Variants in GCFC2 observed in about 807,000 individuals in gnomAD.
GCFC2 encodes intron Large complex component GCFC2.
GCFC2 carries 102 observed loss-of-function variants against 99.4 expected under a neutral mutation model. The ratio of observed to expected loss-of-function variants is 1.03; its 90% CI spans 0.87 to 1.21. GCFC2 has a LOEUF of 1.21. GCFC2 is among the 50% of genes most tolerant of loss of function. GCFC2 has a pLI of 0.00. For missense variants in GCFC2, 973 were observed against 920.9 expected (o/e 1.06, Z -0.73); for synonymous variants, 338 against 316.8 (o/e 1.07, Z -0.71).
At chr2:75,680,063 A>G in intron 12 of GCFC2, 130 bp downstream of exon 12, 1 of 666,176 alleles carries the variant, frequency 1.5e-6, no homozygotes, top group East Asian at 2.8e-5. Flanking sequence ...CTATAAATCA[A>G]AAGTAAATAT....
rs183504748 is a variant in GCFC2, at chr2:75,669,806, C to T, written c.2103+332G>A. On this transcript the variant is annotated intron_variant, in intron 15 of 16. Coordinates refer to ENST00000321027, the MANE Select transcript of GCFC2 (RefSeq NM_003203.5). ...GGAGTGCAATGGCGGCTCACTGCAA[C>T]GTCTGCCTCCTGGGTTCAGGCGATT... 2.0e-4 allele frequency among the ~76,000 whole-genome samples: 30 copies of T among 152,146 alleles called. No individual in the cohort carries two copies. In the East Asian group the frequency reaches 4.3e-3, roughly 22 times the overall value.
intron 13 of GCFC2, among the ~76,000 whole-genome samples, chr2:75,673,170 C>T (rs1005059361): frequency 3.3e-5 from 5 of 152,064 alleles, no homozygotes; most frequent in East Asian, 1.9e-4. Flanking sequence ...ATTAGCCGGG[C>T]GTGGTGGCGG....
intron 12 of GCFC2, 24 bp downstream of exon 12, chr2:75,680,169 G>A: frequency 1.9e-6 from 3 of 1,555,510 alleles, no homozygotes; most frequent in Non-Finnish European, 2.7e-6. Flanking sequence ...AGATCATGGA[G>A]TTCGCAACTC....
intron 11 of GCFC2, among the ~76,000 whole-genome samples, chr2:75,682,256 G>A (rs1035548436): frequency 1.3e-5 from 2 of 151,890 alleles, no homozygotes; most frequent in Admixed American, 6.5e-5. Context: ...GGAACAAGCA[G>A]CAATCTTTGC....
chr2:75,667,020 G>A (rs946601720), intron 15 of GCFC2, among the ~76,000 whole-genome samples: 1 of 152,130 alleles, frequency 6.6e-6, no homozygotes, highest in Non-Finnish European at 1.5e-5. Flanking sequence ...TAGGGACTAG[G>A]GTCTGGAAAG....
chr2:75,711,044 GTTC>G (rs1049427908), upstream of GCFC2: 266 of 1,332,668 alleles, frequency 2.0e-4, no homozygotes, highest in African/African-American at 3.7e-3. Context: ...GGTAGGCCGA[GTTC>G]TGTTCTGGGG....
chr2:75,689,286 A>G (rs1382009200), intron 9 of GCFC2, 61 bp from the exon 10 acceptor site: 1 of 873,348 alleles, frequency 1.1e-6, no homozygotes, highest in Non-Finnish European at 1.9e-6. Context: ...ATGCTTCCTT[A>G]AAAACACGGT....
chr2:75,689,216 A>G lies in GCFC2; in HGVS notation c.1349T>C (p.Leu450Ser). Residue 450 changes from leucine (L) to serine (S), a missense_variant, in exon 10 of 17, where the codon TTA becomes TCA. Coordinates refer to ENST00000321027, the MANE Select transcript of GCFC2 (RefSeq NM_003203.5). ...TTCAAAAACTTTCTTCTGTTTCTGT[A>G]AAATGTCACCTGTAAACAAAATAAG... ...IDFQKSQGDI[L>S]QKQKKVFEEV... is the part of the protein sequence containing the mutation. 6.4e-7 allele frequency: 1 copy of G among 1,571,836 alleles called. No individual in the cohort carries two copies. The highest frequency in any genetic ancestry group is 8.7e-7 in the Non-Finnish European group (1 of 1,145,306).
intron 14 of GCFC2, among the ~76,000 whole-genome samples, chr2:75,671,264 C>T (rs1679079530): frequency 6.6e-6 from 1 of 152,176 alleles, no homozygotes; most frequent in African/African-American, 2.4e-5. Flanking sequence ...ACTTCTCATG[C>T]TTCATCCAGT....
At position 75,687,992 on chromosome 2, in the gene GCFC2, T is replaced by C. The variant is rs745430566; in HGVS notation, c.1540-15A>G. The C allele has an allele frequency of 5.3e-6, 8 of 1,495,968 alleles. No homozygotes were observed. The highest frequency in any genetic ancestry group is 1.2e-5 in the South Asian group (1 of 81,088). 92.7% of individuals were successfully genotyped at this position (1,495,968 alleles called of 1,614,324 possible). A position where few individuals can be genotyped will look rare whatever the true frequency, so the allele number is the denominator to read the frequency against. ...GTGGATTCCAACTTACAAAGAAAATTACAAAAGTTATAAAGAAATCTTTCA... is the reference window on the plus strand; with the variant it reads ...GTGGATTCCAACTTACAAAGAAAATCACAAAAGTTATAAAGAAATCTTTCA... On this transcript the variant is annotated splice_polypyrimidine_tract_variant and intron_variant, in intron 10 of 16. Coordinates refer to ENST00000321027, the MANE Select transcript of GCFC2 (RefSeq NM_003203.5).
At chr2:75,688,045 AT>A (rs1383350145) in intron 10 of GCFC2, 68 bp from the exon 11 acceptor site, 2 of 938,666 alleles carry the variant, frequency 2.1e-6, no homozygotes, top group East Asian at 5.3e-5. Context: ...AATAGTTATT[AT>A]TTTTTTCAAT....
At position 75,689,215 on chromosome 2, in the gene GCFC2, T is replaced by C; in HGVS notation, c.1350A>G (p.Leu450=). The C allele has an allele frequency of 6.4e-7, 1 of 1,573,102 alleles. No homozygotes were observed. Among genetic ancestry groups the C allele is most frequent in the Non-Finnish European group, 8.7e-7 (1 of 1,146,506 alleles). Residue 450 remains leucine, a synonymous_variant, in exon 10 of 17, where the codon TTA becomes TTG. Transcript: ENST00000321027. ...CTTCAAAAACTTTCTTCTGTTTCTG[T>C]AAAATGTCACCTGTAAACAAAATAA... The part of the protein sequence containing the change: ...IDFQKSQGDI[L]QKQKKVFEEV...
intron 14 of GCFC2, among the ~76,000 whole-genome samples, chr2:75,671,005 AACT>A (rs1158774438): frequency 6.6e-6 from 1 of 152,208 alleles, no homozygotes; most frequent in Non-Finnish European, 1.5e-5. Context: ...ACACTATTAA[AACT>A]ACTCTTGGTG....
chr2:75,691,015 A>T (rs749045655), intron 7 of GCFC2, among the ~76,000 whole-genome samples: 7 of 152,176 alleles, frequency 4.6e-5, no homozygotes, highest in Non-Finnish European at 1.0e-4. Flanking sequence ...ATTCTTTTCC[A>T]GTAGTTTCTA....
chr2:75,666,413 C>T (rs1040409644), intron 15 of GCFC2, among the ~76,000 whole-genome samples: 4 of 152,132 alleles, frequency 2.6e-5, no homozygotes, highest in African/African-American at 9.7e-5. Flanking sequence ...AAAATACATA[C>T]ATTCACTATT....
intron 15 of GCFC2, among the ~76,000 whole-genome samples, chr2:75,669,373 CAATT>C (rs1363227564): frequency 5.9e-5 from 9 of 152,058 alleles, no homozygotes; most frequent in African/African-American, 1.9e-4. Context: ...TAATAATAAT[CAATT>C]AATCCCAATA....
At chr2:75,711,563 T>G (rs982400862), upstream of GCFC2, among the ~76,000 whole-genome samples, 1 of 152,254 alleles carries the variant, frequency 6.6e-6, no homozygotes, top group Non-Finnish European at 1.5e-5. Context: ...GTTGAGCTAC[T>G]GCACACCTGT....
At chr2:75,694,033 C>T (rs1163080867) in intron 6 of GCFC2, among the ~76,000 whole-genome samples, 1 of 151,740 alleles carries the variant, frequency 6.6e-6, no homozygotes, top group Non-Finnish European at 1.5e-5. Flanking sequence ...AATTTATATA[C>T]AAAATTTTAT....
Position 75,672,019 on chromosome 2 carries a change from A to C in GCFC2, c.1890-3T>G. On this transcript the variant is annotated splice_polypyrimidine_tract_variant and splice_region_variant and intron_variant, in intron 13 of 16. Transcript: ENST00000321027. Reference sequence around the variant, plus strand: ...GTGATGTTTTGTTTTCTACAGCACTAATTAGAAACAAACGAAAGAGAAGAG... The same window carrying C: ...GTGATGTTTTGTTTTCTACAGCACTCATTAGAAACAAACGAAAGAGAAGAG... The C allele has an allele frequency of 6.6e-7, 1 of 1,508,838 alleles. No homozygotes were observed. The highest frequency in any genetic ancestry group is 2.3e-5 in the East Asian group (1 of 44,028). 93.5% of individuals were successfully genotyped at this position (1,508,838 alleles called of 1,614,324 possible).
Sources: gnomAD v4.1 joint callset for allele counts (sites outside exome capture counted in the v4.1 genomes callset) on GRCh38, gnomAD v4.1.1 for gene constraint, MANE v1.5 for transcripts, NCBI Gene and HGNC (gene_info 2026-07-23, HGNC 2026-07-21) for gene names.